Variants in MAN1C1 observed in about 807,000 individuals in gnomAD.
MAN1C1 encodes the protein mannosidase alpha class 1C member 1.
MAN1C1 carries 49 observed loss-of-function variants against 71.5 expected under a neutral mutation model. The observed-to-expected ratio is 0.69, with a 90% CI of 0.54 to 0.87. The LOEUF (loss-of-function observed/expected upper bound fraction) is 0.87. Ranked by LOEUF, MAN1C1 falls within the 40% of genes least tolerant of loss-of-function variation. The pLI is 0.00. For synonymous variants in MAN1C1, 352 were observed against 343.7 expected (o/e 1.02, Z -0.27); for missense variants, 743 against 835.0 (o/e 0.89, Z 1.36).
chr1:25,702,071 A>G (rs916052363), intron 2 of MAN1C1, among the ~76,000 whole-genome samples: 5 of 152,274 alleles, frequency 3.3e-5, no homozygotes, highest in South Asian at 4.1e-4. Context: ...AAAAATAAAT[A>G]AGTAAATAAA....
In MAN1C1 at chr1:25,735,587, A is replaced by C. The variant is rs2046972988; in HGVS notation, c.638-11081A>C. Among the ~76,000 whole-genome samples the C allele has an allele frequency of 6.6e-6, 1 of 152,210 alleles. No homozygotes were observed. Among genetic ancestry groups the C allele is most frequent in the Admixed American group, 6.5e-5 (1 of 15,280 alleles). On this transcript the variant is annotated intron_variant, in intron 2 of 11. Coordinates refer to ENST00000374332, the MANE Select transcript of MAN1C1 (RefSeq NM_020379.4). The surrounding 1 kb of genome is among the most constrained non-coding windows in gnomAD (Gnocchi z 4.6). Reference sequence around the variant, plus strand: ...CATAGGACTGTAAGAACATTGTATCAGTCATCTATTTCCATAATAGGGTTG... The same window carrying C: ...CATAGGACTGTAAGAACATTGTATCCGTCATCTATTTCCATAATAGGGTTG...
chr1:25,703,187 T>C (rs1046771528), intron 2 of MAN1C1, among the ~76,000 whole-genome samples: 3 of 152,150 alleles, frequency 2.0e-5, no homozygotes, highest in Non-Finnish European at 2.9e-5. Context: ...TCACTCCCAT[T>C]AGCTCAGGTG....
At chr1:25,727,155 TTAC>T (rs2046843258) in intron 2 of MAN1C1, among the ~76,000 whole-genome samples, 1 of 152,288 alleles carries the variant, frequency 6.6e-6, no homozygotes, top group African/African-American at 2.4e-5. Flanking sequence ...CCAGCTCAGA[TTAC>T]TACCCAGTGG....
At position 25,775,356 on chromosome 1, in the gene MAN1C1, T is replaced by C. The variant is rs1412135536; in HGVS notation, c.1258-2749T>C. On this transcript the variant is annotated intron_variant, in intron 8 of 11. Transcript: ENST00000374332. The surrounding 1 kb of genome is among the most constrained non-coding windows in gnomAD (Gnocchi z 5.1). ...GGAGCAGGTGCCCTGGCATGTCACA[T>C]TGTCAGCGCTTTTCCATCTGCCACT... 1.3e-5 allele frequency among the ~76,000 whole-genome samples: 2 copies of C among 152,178 alleles called. No individual in the cohort carries two copies. Among genetic ancestry groups the C allele is most frequent in the Admixed American group, 1.3e-4 (2 of 15,284 alleles).
intron 1 of MAN1C1, among the ~76,000 whole-genome samples, chr1:25,679,978 T>TATATATAC (rs1553185895): frequency 1.6e-5 from 2 of 127,216 alleles, no homozygotes; most frequent in African/African-American, 6.5e-5. Context: ...TATATATATA[T>TATATATAC]ACACACACAC....
In MAN1C1 at chr1:25,753,690, A is replaced by T; in HGVS notation, c.929+112A>T. 1 of 853,880 alleles carries T rather than the reference A, an allele frequency of 1.2e-6. No individual in the cohort carries two copies. Among genetic ancestry groups the T allele is most frequent in the Non-Finnish European group, 1.8e-6 (1 of 546,180 alleles). 52.9% of individuals were successfully genotyped at this position (853,880 alleles called of 1,614,324 possible). On this transcript the variant is annotated intron_variant, in intron 5 of 11. Transcript: ENST00000374332. This position sits in a 1 kb window ranked among gnomAD's most constrained non-coding sequence, Gnocchi z 4.9. ...CTCCAGGGGCAGTAGGCAGGCAAGCAGGAGGGGGGACCCTTGGGACCACCT... is the reference window on the plus strand; with the variant it reads ...CTCCAGGGGCAGTAGGCAGGCAAGCTGGAGGGGGGACCCTTGGGACCACCT...
chr1:25,635,298 T>C (rs1266924583), intron 1 of MAN1C1, among the ~76,000 whole-genome samples: 1 of 152,130 alleles, frequency 6.6e-6, no homozygotes, highest in Non-Finnish European at 1.5e-5. Flanking sequence ...TTATTAATTA[T>C]ATAACAGATA....
At chr1:25,717,999 TAC>T (rs71577794) in intron 2 of MAN1C1, among the ~76,000 whole-genome samples, 246 of 147,738 alleles carry the variant, frequency 1.7e-3, no homozygotes, top group Middle Eastern at 7.0e-3. Context: ...TAGCTTTATT[TAC>T]ACACACACAC....
At chr1:25,770,790 C>T (rs781219298) in intron 7 of MAN1C1, among the ~76,000 whole-genome samples, 7 of 151,784 alleles carry the variant, frequency 4.6e-5, no homozygotes, top group South Asian at 2.1e-4. Flanking sequence ...CCATTCCCCC[C>T]GCCCCGCCTT....
chr1:25,755,586 G>C (rs2047275220), intron 5 of MAN1C1, among the ~76,000 whole-genome samples: 1 of 152,212 alleles, frequency 6.6e-6, no homozygotes, highest in Non-Finnish European at 1.5e-5. Context: ...ACGTGACATG[G>C]ATTGTCTTTT....
rs187144046 is a variant in MAN1C1 at position 25,755,631 on chromosome 1, C to T, written c.929+2053C>T. 1.2e-4 allele frequency among the ~76,000 whole-genome samples: 18 copies of T among 152,292 alleles called. No homozygotes were observed. In the South Asian group the frequency reaches 1.5e-3, roughly 12 times the overall value. ...AGCAACCACAGGGACTCCATTTTAC[C>T]GGTAAAGAAACTGAGGCTCAGAGAG... On this transcript the variant is annotated intron_variant, in intron 5 of 11. Coordinates refer to ENST00000374332, the MANE Select transcript of MAN1C1 (RefSeq NM_020379.4).
chr1:25,617,848 G>A lies in MAN1C1; in HGVS notation c.51G>A (p.Leu17=). The part of the protein sequence containing the change: ...PGFVPASPWG[L]RLPQKFLFLL... ...TCGTCCCGGCCTCCCCGTGGGGGCT[G>A]CGGCTGCCGCAGAAGTTCCTCTTCC... Residue 17 remains leucine, a synonymous_variant, in exon 1 of 12, where the codon CTG becomes CTA. Transcript: ENST00000374332. The surrounding 1 kb of genome is among the most constrained non-coding windows in gnomAD (Gnocchi z 5.1). The A allele has an allele frequency of 6.2e-7, 1 of 1,606,132 alleles. No homozygotes were observed. Among genetic ancestry groups the A allele is most frequent in the South Asian group, 1.1e-5 (1 of 90,172 alleles).
At position 25,698,488 on chromosome 1, in the gene MAN1C1, G is replaced by A. The variant is rs2046395424; in HGVS notation, c.637+11952G>A. Among the ~76,000 whole-genome samples, 7 of 152,258 alleles carry A rather than the reference G, an allele frequency of 4.6e-5. 1 individual carries two copies. Among genetic ancestry groups the A allele is most frequent in the African/African-American group, 1.7e-4 (7 of 41,534 alleles). ...CTGCCATGCGCTACAGACTGTTTAG[G>A]CATAAGACAAGTAGCAGGGAGCAAG... On this transcript the variant is annotated intron_variant, in intron 2 of 11. Transcript: ENST00000374332.
chr1:25,761,654 C>G (rs111766163), intron 6 of MAN1C1: 2 of 113,812 alleles, frequency 1.8e-5, no homozygotes, highest in African/African-American at 6.9e-5. Context: ...GACGGAGTCT[C>G]TCTCTGTCGC....
intron 1 of MAN1C1, among the ~76,000 whole-genome samples, chr1:25,632,327 T>C (rs1223429864): frequency 6.6e-6 from 1 of 152,234 alleles, no homozygotes; most frequent in Non-Finnish European, 1.5e-5. Context: ...TAATCTTTTG[T>C]ATTTCTGTGG....
At chr1:25,646,746 C>T (rs1462833713) in intron 1 of MAN1C1, among the ~76,000 whole-genome samples, 1 of 152,138 alleles carries the variant, frequency 6.6e-6, no homozygotes, top group Non-Finnish European at 1.5e-5. Context: ...GTAGTGTGTG[C>T]GAGAGTTTCT....
chr1:25,702,708 A>G (rs1054970653), intron 2 of MAN1C1, among the ~76,000 whole-genome samples: 2 of 152,208 alleles, frequency 1.3e-5, no homozygotes, highest in Non-Finnish European at 1.5e-5. Context: ...CCTACCTCAT[A>G]GGGTAGTTGT....
At chr1:25,713,928 C>G (rs753389265) in intron 2 of MAN1C1, among the ~76,000 whole-genome samples, 4 of 152,190 alleles carry the variant, frequency 2.6e-5, no homozygotes, top group Non-Finnish European at 5.9e-5. Context: ...AATCAACCTT[C>G]GTGTTTCCTG....
intron 2 of MAN1C1, among the ~76,000 whole-genome samples, chr1:25,712,651 A>G (rs1468847976): frequency 6.6e-6 from 1 of 152,204 alleles, no homozygotes; most frequent in African/African-American, 2.4e-5. Flanking sequence ...CATGGAGGAC[A>G]GCCATTCAAA....
Sources: allele counts gnomAD v4.1 joint callset (sites outside exome capture counted in the v4.1 genomes callset), GRCh38; gene constraint gnomAD v4.1.1; non-coding constraint Gnocchi (gnomAD v3.1); transcripts MANE v1.5; gene names NCBI Gene and HGNC (gene_info 2026-07-23, HGNC 2026-07-21).